RPH3AL: variants seen among roughly 807,000 people sequenced by gnomAD.
RPH3AL encodes rab effector Noc2.
In RPH3AL, 38 loss-of-function variants were observed where a neutral mutation model predicts 43.1. That is an observed-to-expected ratio of 0.88 (90% CI 0.68 to 1.15). RPH3AL has a LOEUF of 1.15. Among genes scored for constraint, RPH3AL ranks in the 50% most tolerant of loss-of-function variants. The pLI, the probability that RPH3AL is intolerant of heterozygous loss-of-function variation, is 0.00. For synonymous variants in RPH3AL, 189 were observed against 176.3 expected, an observed-to-expected ratio of 1.07 and a Z score of -0.57; for missense variants, 462 against 423.2, an observed-to-expected ratio of 1.09 and a Z score of -0.81.
At chr17:313,809 C>T (rs1418969700) in intron 5 of RPH3AL, among the ~76,000 whole-genome samples, 1 of 152,132 alleles carries the variant, frequency 6.6e-6, no homozygotes, top group Non-Finnish European at 1.5e-5. Flanking sequence ...ACGAATGACA[C>T]CACCTTCTCC....
Position 264,830 on chromosome 17 carries a change from C to T in RPH3AL, c.438+16938G>A, listed in dbSNP as rs2042283077. On this transcript the variant is annotated intron_variant, in intron 6 of 9. Transcript: ENST00000331302. The surrounding 1 kb of genome is among the most constrained non-coding windows in gnomAD (Gnocchi z 4.8). ...CCAATGGTTGAAGTGAAATAAACAT[C>T]TCAAGAATGGGGAACTCGTGGTACC... Among the ~76,000 whole-genome samples the T allele has an allele frequency of 6.6e-6, 1 of 152,206 alleles. No individual in the cohort carries two copies. The highest frequency in any genetic ancestry group is 1.5e-5 in the Non-Finnish European group (1 of 68,044).
At chr17:326,067 A>C (rs992644832) in intron 3 of RPH3AL, among the ~76,000 whole-genome samples, 4 of 152,236 alleles carry the variant, frequency 2.6e-5, no homozygotes, top group Admixed American at 6.5e-5. Flanking sequence ...GGCCCTGTCG[A>C]GAGCACAGTG....
Position 290,243 on chromosome 17 carries a change from G to C in RPH3AL, c.352-8389C>G, listed in dbSNP as rs564459551. Among the ~76,000 whole-genome samples, 4 of 152,366 alleles carry C rather than the reference G, an allele frequency of 2.6e-5. No individual in the cohort carries two copies. The South Asian group carries it at 8.3e-4, about 32-fold the overall frequency. On this transcript the variant is annotated intron_variant, in intron 5 of 9. Transcript: ENST00000331302. This position sits in a 1 kb window ranked among gnomAD's most constrained non-coding sequence, Gnocchi z 4.2. ...TTGAGTGATGCTGACCAGCAGGATT[G>C]TGGGAGGCCAAACCAGGGAGAGCCA...
chr17:235,222 C>G (rs113155845), intron 7 of RPH3AL, among the ~76,000 whole-genome samples: 65 of 143,364 alleles, frequency 4.5e-4, no homozygotes, highest in Middle Eastern at 3.9e-3. Context: ...CTGGGGTCGG[C>G]GGAGGCTCCG....
In RPH3AL at chr17:248,895, C is replaced by T. The variant is rs116687072; in HGVS notation, c.439-1610G>A. 3.7e-3 allele frequency among the ~76,000 whole-genome samples: 556 copies of T among 152,312 alleles called. 4 individuals carry two copies. The highest frequency in any genetic ancestry group is 0.013 in the African/African-American group (523 of 41,572). ...TGTTCACAAGATGCCACCTGCCTGC[C>T]TCCTTCCTGTCCCTTCCGCTCGAGG... On this transcript the variant is annotated intron_variant, in intron 6 of 9. Transcript: ENST00000331302.
intron 5 of RPH3AL, among the ~76,000 whole-genome samples, chr17:317,044 A>T (rs111949193): frequency 1.1e-4 from 15 of 134,096 alleles, no homozygotes; most frequent in Non-Finnish European, 1.9e-4. Flanking sequence ...ACTGACCTGT[A>T]GTCTCTGTGC....
rs556299070 is a variant in RPH3AL at position 307,945 on chromosome 17, C to T, written c.351+11475G>A. Among the ~76,000 whole-genome samples, 6 of 152,328 alleles carry T rather than the reference C, an allele frequency of 3.9e-5. No homozygotes were observed. In the South Asian group the frequency reaches 1.0e-3, roughly 26 times the overall value. ...CCGTGCGGTGTCTGGTCCAATCCTC[C>T]GATCCCAGCAACTGCAGCCAAGTCC... On this transcript the variant is annotated intron_variant, in intron 5 of 9. Transcript: ENST00000331302.
chr17:332,946 G>T, intron 2 of RPH3AL: 2 of 1,152,226 alleles, frequency 1.7e-6, no homozygotes, highest in Non-Finnish European at 2.3e-6. Context: ...TACAGGGAAC[G>T]GAACAGGAGT....
intron 1 of RPH3AL, among the ~76,000 whole-genome samples, chr17:336,407 G>A (rs1334784294): frequency 6.6e-6 from 1 of 152,174 alleles, no homozygotes; most frequent in African/African-American, 2.4e-5. Context: ...GGATTCCAGA[G>A]TTGAAGCAGG....
At chr17:335,382 G>C (rs963999345) in intron 1 of RPH3AL, among the ~76,000 whole-genome samples, 1 of 152,136 alleles carries the variant, frequency 6.6e-6, no homozygotes. Context: ...GTCGGCCACA[G>C]AGAGAGGGCT....
chr17:244,437 TG>T (rs907115286), intron 7 of RPH3AL, among the ~76,000 whole-genome samples: 44 of 129,208 alleles, frequency 3.4e-4, no homozygotes, highest in African/African-American at 1.0e-3. Context: ...GGGAAGAGAA[TG>T]GGGGGGGAGA....
intron 7 of RPH3AL, among the ~76,000 whole-genome samples, chr17:243,719 CCCTTCCTCTATTGATTA>C (rs2041655887): frequency 1.7e-4 from 13 of 77,370 alleles, no homozygotes; most frequent in African/African-American, 5.5e-4. Context: ...CTATTGATTA[CCCTTCCTCTATTGATTA>C]CCTTCCTCTA....
intron 1 of RPH3AL, among the ~76,000 whole-genome samples, chr17:342,280 C>T (rs2045140205): frequency 1.3e-5 from 2 of 152,174 alleles, no homozygotes; most frequent in South Asian, 4.1e-4. Context: ...GATGGTGCAG[C>T]CACTATGGAA....
At chr17:231,547 G>A (rs2041231165) in intron 7 of RPH3AL, among the ~76,000 whole-genome samples, 1 of 152,238 alleles carries the variant, frequency 6.6e-6, no homozygotes, top group Non-Finnish European at 1.5e-5. Context: ...GGCCTTTGCT[G>A]GAATCAGATG....
chr17:347,512 A>T (rs1049608542), intron 1 of RPH3AL, among the ~76,000 whole-genome samples: 3 of 151,936 alleles, frequency 2.0e-5, no homozygotes, highest in African/African-American at 7.3e-5. Context: ...TGAGCCCCAG[A>T]GCTCAGGGTG....
At position 253,383 on chromosome 17, in the gene RPH3AL, G is replaced by A. The variant is rs557517220; in HGVS notation, c.439-6098C>T. Among the ~76,000 whole-genome samples the A allele has an allele frequency of 9.9e-5, 15 of 152,248 alleles. No homozygotes were observed. The East Asian group carries it at 1.7e-3, about 18-fold the overall frequency. On this transcript the variant is annotated intron_variant, in intron 6 of 9. Transcript: ENST00000331302. ...AGACACCCCACAGAGCTGCATTCCC[G>A]CACACTGTGGGGCCGAGAACCTCAT...
chr17:227,090 T>G (rs1218814112), intron 7 of RPH3AL, among the ~76,000 whole-genome samples: 1 of 152,006 alleles, frequency 6.6e-6, no homozygotes, highest in African/African-American at 2.4e-5. Flanking sequence ...GCTCCCCTCC[T>G]GGGCCCCTCC....
At chr17:321,052 C>A (rs1199857708) in intron 4 of RPH3AL, among the ~76,000 whole-genome samples, 1 of 152,200 alleles carries the variant, frequency 6.6e-6, no homozygotes, top group Non-Finnish European at 1.5e-5. Flanking sequence ...GCTAGCAGCC[C>A]CGTCTCACAG....
intron 1 of RPH3AL, among the ~76,000 whole-genome samples, chr17:341,994 A>T (rs1451232822): frequency 1.3e-5 from 2 of 152,218 alleles, no homozygotes; most frequent in Non-Finnish European, 2.9e-5. Flanking sequence ...TACACTATAT[A>T]AATAATTCTC....
Sources: allele counts gnomAD v4.1 joint callset (sites outside exome capture counted in the v4.1 genomes callset), GRCh38; gene constraint gnomAD v4.1.1; non-coding constraint Gnocchi (gnomAD v3.1); transcripts MANE v1.5; gene names NCBI Gene and HGNC (gene_info 2026-07-23, HGNC 2026-07-21).